The following MAPK8 variants were observed in gnomAD, a reference collection of about 807,000 sequenced individuals.
The protein encoded by MAPK8 is mitogen-activated protein kinase 8, also known as JUN N-terminal kinase.
MAPK8 carries 13 observed loss-of-function variants against 52.9 expected under a neutral mutation model. The observed-to-expected ratio is 0.25, with a 90% CI of 0.16 to 0.39. The LOEUF (loss-of-function observed/expected upper bound fraction) is 0.39. Among genes scored for constraint, MAPK8 ranks in the 10% least tolerant of loss-of-function variants. MAPK8 has a pLI of 1.00. For synonymous variants in MAPK8, 191 were observed against 169.8 expected (o/e 1.12, Z -0.97); for missense variants, 300 against 519.2 (o/e 0.58, Z 4.10).
chr10:48,365,019 T>C (rs1311335750), intron 1 of MAPK8, among the ~76,000 whole-genome samples: 2 of 152,190 alleles, frequency 1.3e-5, no homozygotes, highest in Non-Finnish European at 2.9e-5. Context: ...TTTGAAAATA[T>C]AGTGTACGAT....
rs1291604271 is a variant in MAPK8, at chr10:48,435,210, G to A, written c.*181G>A. 6.3e-6 allele frequency: 3 copies of A among 474,278 alleles called. No individual in the cohort carries two copies. Among genetic ancestry groups the A allele is most frequent in the Non-Finnish European group, 1.1e-5 (3 of 275,590 alleles). 29.4% of individuals were successfully genotyped at this position (474,278 alleles called of 1,614,324 possible). On this transcript the variant is annotated 3_prime_UTR_variant, in exon 12 of 12. Coordinates refer to ENST00000374189, the MANE Select transcript of MAPK8 (RefSeq NM_001323329.2). ...TGATGTAATTTAAAACCTAAGTTGT[G>A]TTTCAAAACAGCAACAAAACTGTAT... is the stretch of plus-strand genomic sequence containing the variant.
intron 1 of MAPK8, among the ~76,000 whole-genome samples, chr10:48,316,098 G>T (rs557208068): frequency 1.6e-4 from 25 of 152,362 alleles, no homozygotes; most frequent in African/African-American, 5.8e-4. Context: ...GATAGTGAAT[G>T]TAGGATTAGC....
chr10:48,435,053 G>C lies in MAPK8; in HGVS notation c.*24G>C. 1 of 1,095,532 alleles carries C rather than the reference G, an allele frequency of 9.1e-7. No homozygotes were observed. Among genetic ancestry groups the C allele is most frequent in the South Asian group, 1.5e-5 (1 of 67,736 alleles). The allele number at this position is 1,095,532 out of a possible 1,614,324, so 67.9% of individuals were successfully genotyped here. A position where few individuals can be genotyped will look rare whatever the true frequency, so the allele number is the denominator to read the frequency against. ...GACTACTTGGGCCATCGGGGGGTGG[G>C]AGGGATGGGGAGTCGGTTAGTCATT... On this transcript the variant is annotated 3_prime_UTR_variant, in exon 12 of 12. Coordinates refer to ENST00000374189, the MANE Select transcript of MAPK8 (RefSeq NM_001323329.2).
rs888512383 is a variant in MAPK8 at position 48,387,069 on chromosome 10, A to G, written c.-49-14543A>G. On this transcript the variant is annotated intron_variant, in intron 1 of 11. Coordinates refer to ENST00000374189, the MANE Select transcript of MAPK8 (RefSeq NM_001323329.2). ...TGGTTAGAATGTAGTAAACCTACTCAAATAAGCCCAATTAAGAATTAAATC... is the reference window on the plus strand; with the variant it reads ...TGGTTAGAATGTAGTAAACCTACTCGAATAAGCCCAATTAAGAATTAAATC... 5.9e-5 allele frequency among the ~76,000 whole-genome samples: 9 copies of G among 152,356 alleles called. 1 individual carries two copies. The highest frequency in any genetic ancestry group is 4.6e-4 in the Admixed American group (7 of 15,304).
chr10:48,357,486 C>T lies in MAPK8; in HGVS notation c.-49-44126C>T, dbSNP rs904990590. ...CCAGGCTCATGCAGCCTTGACCTCT[C>T]GGGCTCAGGTGATCCTCCCACCTCA... On this transcript the variant is annotated intron_variant, in intron 1 of 11. Coordinates refer to ENST00000374189, the MANE Select transcript of MAPK8 (RefSeq NM_001323329.2). Among the ~76,000 whole-genome samples, 10 of 152,102 alleles carry T rather than the reference C, an allele frequency of 6.6e-5. No individual in the cohort carries two copies. The East Asian group carries it at 1.7e-3, about 26-fold the overall frequency.
rs2045109845 is a variant in MAPK8 at position 48,439,288 on chromosome 10, A to G, written c.*4259A>G. ...AAACATGCACCACTGGAATGTAAAC[A>G]ATGTTATCTAGTATGTCAATTGGTT... On this transcript the variant is annotated 3_prime_UTR_variant, in exon 12 of 12. Transcript: ENST00000374189. 6.7e-6 allele frequency: 1 copy of G among 149,528 alleles called. No homozygotes were observed. Among genetic ancestry groups the G allele is most frequent in the South Asian group, 2.2e-4 (1 of 4,576 alleles). 9.3% of individuals were successfully genotyped at this position (149,528 alleles called of 1,614,324 possible). A position where few individuals can be genotyped will look rare whatever the true frequency, so the allele number is the denominator to read the frequency against.
chr10:48,432,854 T>C (rs2044447713), intron 11 of MAPK8, among the ~76,000 whole-genome samples: 1 of 152,218 alleles, frequency 6.6e-6, no homozygotes, highest in African/African-American at 2.4e-5. Flanking sequence ...GATCCTCAGT[T>C]ATAGCTTGCA....
chr10:48,404,427 A>T (rs1447005627), intron 2 of MAPK8, among the ~76,000 whole-genome samples: 1 of 152,144 alleles, frequency 6.6e-6, no homozygotes, highest in Admixed American at 6.6e-5. Context: ...AAGTGCTGGG[A>T]TTACAGGCGT....
chr10:48,364,595 A>G (rs1847862108), intron 1 of MAPK8, among the ~76,000 whole-genome samples: 1 of 152,194 alleles, frequency 6.6e-6, no homozygotes, highest in South Asian at 2.1e-4. Flanking sequence ...GACAAGTACA[A>G]ATATCTCTAT....
chr10:48,396,599 T>C (rs960025764), intron 1 of MAPK8, among the ~76,000 whole-genome samples: 4 of 152,186 alleles, frequency 2.6e-5, no homozygotes, highest in Non-Finnish European at 4.4e-5. Flanking sequence ...CCCTAAAGAA[T>C]TGAAAACTTA....
intron 1 of MAPK8, among the ~76,000 whole-genome samples, chr10:48,391,458 G>C (rs900515322): frequency 6.6e-6 from 1 of 152,150 alleles, no homozygotes; most frequent in Non-Finnish European, 1.5e-5. Context: ...ATGATGGAGA[G>C]ATCAGTATAT....
intron 1 of MAPK8, among the ~76,000 whole-genome samples, chr10:48,367,510 T>C (rs1401599524): frequency 6.6e-6 from 1 of 152,012 alleles, no homozygotes; most frequent in Non-Finnish European, 1.5e-5. Context: ...TCTAAAAGTC[T>C]TTCTTTTAGA....
intron 5 of MAPK8, among the ~76,000 whole-genome samples, chr10:48,410,753 G>T (rs1030319683): frequency 6.6e-6 from 1 of 152,224 alleles, no homozygotes; most frequent in Non-Finnish European, 1.5e-5. Context: ...CACTAGCAGT[G>T]TATGCGGGTT....
At chr10:48,368,880 T>C (rs375146918) in intron 1 of MAPK8, among the ~76,000 whole-genome samples, 2 of 152,202 alleles carry the variant, frequency 1.3e-5, no homozygotes, top group Non-Finnish European at 2.9e-5. Flanking sequence ...TCATGTCTGC[T>C]TCATTGCTCT....
intron 1 of MAPK8, among the ~76,000 whole-genome samples, chr10:48,320,817 C>G (rs924587930): frequency 6.6e-6 from 1 of 152,092 alleles, no homozygotes; most frequent in Non-Finnish European, 1.5e-5. Context: ...TTCAAAGTGG[C>G]TGCACCATTT....
intron 1 of MAPK8, among the ~76,000 whole-genome samples, chr10:48,393,324 C>T (rs140889673): frequency 6.6e-6 from 1 of 152,176 alleles, no homozygotes; most frequent in East Asian, 1.9e-4. Flanking sequence ...ACTTCTCTTC[C>T]TCCATATTCT....
chr10:48,324,955 G>T (rs377291752), intron 1 of MAPK8, among the ~76,000 whole-genome samples: 32 of 23,076 alleles, frequency 1.4e-3, no homozygotes, highest in Non-Finnish European at 2.1e-3. Flanking sequence ...TGCAAATGGT[G>T]TTTTTTTGTT....
intron 1 of MAPK8, among the ~76,000 whole-genome samples, chr10:48,400,684 T>C (rs2042114483): frequency 6.6e-6 from 1 of 152,228 alleles, no homozygotes; most frequent in Non-Finnish European, 1.5e-5. Context: ...GGGTTAGCAT[T>C]ATCTTAAAAC....
Position 48,424,148 on chromosome 10 carries a change from C to G in MAPK8, c.677C>G (p.Pro226Arg). ...GEMVCHKILF[P>R]GRDYIDQWNK... ...ATGGTTTGCCACAAAATCCTCTTTC[C>G]AGGAAGGGACTGTATCCTTGTGCTG... Residue 226 changes from proline to arginine, a missense_variant, in exon 7 of 12, where the codon CCA becomes CGA. Pro to Arg is a moderately radical substitution (Grantham distance 103). This residue lies in a region of MAPK8 where 147 missense variants were observed against 328.1 expected (regional missense o/e 0.45). Coordinates refer to ENST00000374189, the MANE Select transcript of MAPK8 (RefSeq NM_001323329.2). 6.2e-7 allele frequency: 1 copy of G among 1,613,296 alleles called. No individual in the cohort carries two copies. The highest frequency in any genetic ancestry group is 8.5e-7 in the Non-Finnish European group (1 of 1,179,386).
Sources: allele counts gnomAD v4.1 joint callset (sites outside exome capture counted in the v4.1 genomes callset), GRCh38; gene constraint gnomAD v4.1.1; regional missense constraint gnomAD v4.1.1; transcripts MANE v1.5; gene names NCBI Gene and HGNC (gene_info 2026-07-23, HGNC 2026-07-21).